Variants in CREM observed in about 807,000 individuals in gnomAD.
CREM encodes cAMP-responsive element modulator.
In CREM, 13 loss-of-function variants were observed where a neutral mutation model predicts 37.3. The ratio of observed to expected loss-of-function variants is 0.35; its 90% CI spans 0.23 to 0.55. CREM has a LOEUF of 0.55. CREM is among the 20% of genes least tolerant of loss of function. The pLI is 0.88. For synonymous variants in CREM, 124 were observed against 120.2 expected (o/e 1.03, Z -0.21); for missense variants, 296 against 362.3 (o/e 0.82, Z 1.49).
chr10:35,150,798 G>C (rs1406504311), intron 3 of CREM, among the ~76,000 whole-genome samples: 1 of 152,006 alleles, frequency 6.6e-6, no homozygotes, highest in Admixed American at 6.6e-5. Flanking sequence ...TCCGGCCTGG[G>C]TGACAGAGTG....
intron 3 of CREM, among the ~76,000 whole-genome samples, chr10:35,149,938 A>ACC (rs1554890978): frequency 3.6e-4 from 52 of 145,526 alleles, no homozygotes; most frequent in African/African-American, 1.1e-3. Flanking sequence ...ACACACACAC[A>ACC]CCCTTGTTAA....
At chr10:35,179,471 G>T in intron 5 of CREM, 195 bp downstream of exon 5, 1 of 674,528 alleles carries the variant, frequency 1.5e-6, no homozygotes, top group Non-Finnish European at 2.1e-6. Flanking sequence ...ATTTTGAAAA[G>T]TAAAAATTTT....
intron 3 of CREM, among the ~76,000 whole-genome samples, chr10:35,159,376 A>G (rs962550105): frequency 2.0e-5 from 3 of 152,206 alleles, no homozygotes; most frequent in Admixed American, 2.0e-4. Flanking sequence ...ATGAAAACAG[A>G]TACATTGATC....
intron 3 of CREM, among the ~76,000 whole-genome samples, chr10:35,161,160 AG>A (rs1298203233): frequency 6.6e-6 from 1 of 152,086 alleles, no homozygotes; most frequent in Non-Finnish European, 1.5e-5. Context: ...TTTATGAGAC[AG>A]GGTCTCACTC....
At chr10:35,201,127 A>G (rs1403440043) in intron 6 of CREM, among the ~76,000 whole-genome samples, 2 of 152,202 alleles carry the variant, frequency 1.3e-5, no homozygotes, top group Non-Finnish European at 2.9e-5. Context: ...CTAAAGGAAT[A>G]TAACGATATA....
intron 1 of CREM, among the ~76,000 whole-genome samples, chr10:35,134,369 A>T (rs763276583): frequency 6.6e-6 from 1 of 152,174 alleles, no homozygotes; most frequent in Non-Finnish European, 1.5e-5. Context: ...GGCGCATGCC[A>T]CCACGCCTGG....
chr10:35,166,560 G>A (rs1193739281), intron 3 of CREM, among the ~76,000 whole-genome samples: 1 of 126,010 alleles, frequency 7.9e-6, no homozygotes, highest in Non-Finnish European at 1.7e-5. Context: ...ACAAGAGTCT[G>A]TATCAAAAAA....
intron 2 of CREM, among the ~76,000 whole-genome samples, chr10:35,146,586 G>A (rs2092138933): frequency 6.6e-6 from 1 of 152,114 alleles, no homozygotes; most frequent in South Asian, 2.1e-4. Flanking sequence ...GTGTGATGAT[G>A]ACCTATAATT....
chr10:35,128,923 G>A (rs1319880412), intron 1 of CREM, among the ~76,000 whole-genome samples: 1 of 152,062 alleles, frequency 6.6e-6, no homozygotes, highest in Non-Finnish European at 1.5e-5. Context: ...TTTTCCCAAA[G>A]GAAGGCAAAT....
At chr10:35,133,308 ATTT>A (rs34244298) in intron 1 of CREM, among the ~76,000 whole-genome samples, 59 of 143,284 alleles carry the variant, frequency 4.1e-4, no homozygotes, top group South Asian at 6.7e-4. Context: ...CCAAAAGCAG[ATTT>A]TTTTTTTTTT....
In CREM at chr10:35,126,956, G is replaced by GGGGAGGACGGGGC. The variant is rs1241056418; in HGVS notation, c.-282_-270dup. On this transcript the variant is annotated 5_prime_UTR_variant, in exon 1 of 8. Transcript: ENST00000685392. Reference sequence around the variant, plus strand: ...CGGGAGGCCGTCCCGGCGTGGGGGAGGGGAGGACGGGGCGGGAGGACGCGG... The same window carrying GGGGAGGACGGGGC: ...CGGGAGGCCGTCCCGGCGTGGGGGAGGGGAGGACGGGGCGGGAGGACGGGGCGGGAGGACGCGG... 2.8e-4 allele frequency: 42 copies of GGGGAGGACGGGGC among 152,326 alleles called. No individual in the cohort carries two copies. Among genetic ancestry groups the GGGGAGGACGGGGC allele is most frequent in the African/African-American group, 8.9e-4 (37 of 41,456 alleles). 9.4% of individuals were successfully genotyped at this position (152,326 alleles called of 1,614,324 possible). A position where few individuals can be genotyped will look rare whatever the true frequency, so the allele number is the denominator to read the frequency against.
chr10:35,170,439 G>C lies in CREM; in HGVS notation c.169-8450G>C, dbSNP rs192912721. ...TAAGATGAGTTAGGGAGGATTCCCT[G>C]TTTTTCTATTGATTGGAATAGTTTC... is the stretch of plus-strand genomic sequence containing the variant. On this transcript the variant is annotated intron_variant, in intron 3 of 7. Coordinates refer to ENST00000685392, the MANE Select transcript of CREM (RefSeq NM_183011.2). Among the ~76,000 whole-genome samples, 55 of 152,240 alleles carry C rather than the reference G, an allele frequency of 3.6e-4. No homozygotes were observed. In the East Asian group the frequency reaches 7.3e-3, roughly 20 times the overall value.
chr10:35,165,412 T>C (rs1023445678), intron 3 of CREM, among the ~76,000 whole-genome samples: 187 of 152,272 alleles, frequency 1.2e-3, no homozygotes, highest in Non-Finnish European at 4.6e-4. Flanking sequence ...TATTTCAACA[T>C]GAGATTGGGA....
chr10:35,153,569 T>C (rs1258589101), intron 3 of CREM, among the ~76,000 whole-genome samples: 1 of 152,182 alleles, frequency 6.6e-6, no homozygotes, highest in Non-Finnish European at 1.5e-5. Flanking sequence ...AACACTGCCA[T>C]GAAGACCTAG....
chr10:35,177,032 GTTA>G (rs1183206722), intron 3 of CREM, among the ~76,000 whole-genome samples: 12 of 151,850 alleles, frequency 7.9e-5, no homozygotes, highest in African/African-American at 1.2e-4. Context: ...TTTAAGGTCA[GTTA>G]TTATCCTTTA....
intron 2 of CREM, among the ~76,000 whole-genome samples, chr10:35,146,809 C>T (rs188533830): frequency 2.0e-4 from 30 of 152,174 alleles, no homozygotes; most frequent in Non-Finnish European, 2.9e-4. Context: ...ATTTGGGTAA[C>T]GGCTACTGGA....
At chr10:35,201,321 G>C (rs1038190069) in intron 6 of CREM, 2 of 899,772 alleles carry the variant, frequency 2.2e-6, no homozygotes, top group African/African-American at 1.7e-5. Context: ...AGAACTTAAG[G>C]AGGGGAAGAG....
At chr10:35,152,001 A>G (rs1271020105) in intron 3 of CREM, among the ~76,000 whole-genome samples, 2 of 152,366 alleles carry the variant, frequency 1.3e-5, no homozygotes, top group South Asian at 4.1e-4. Flanking sequence ...ATGTATGCCA[A>G]AAGTGACTGA....
chr10:35,140,520 G>C (rs868249461), intron 2 of CREM, among the ~76,000 whole-genome samples: 1 of 152,176 alleles, frequency 6.6e-6, no homozygotes, highest in Middle Eastern at 3.4e-3. Flanking sequence ...CAGGATAATT[G>C]ATTAATTGGT....
Sources: allele counts gnomAD v4.1 joint callset (sites outside exome capture counted in the v4.1 genomes callset), GRCh38; gene constraint gnomAD v4.1.1; transcripts MANE v1.5; gene names NCBI Gene and HGNC (gene_info 2026-07-23, HGNC 2026-07-21).